ARHGEF3: variants seen among roughly 807,000 people sequenced by gnomAD.
The protein encoded by ARHGEF3 is 59.8 kDA protein.
Under a neutral mutation model 63.2 loss-of-function variants are expected in ARHGEF3, and 28 were observed. The observed-to-expected ratio is 0.44, with a 90% CI of 0.33 to 0.61. The LOEUF is 0.61. Among genes scored for constraint, ARHGEF3 ranks in the 20% least tolerant of loss-of-function variants. ARHGEF3 has a pLI of 0.03. For missense variants in ARHGEF3, 533 were observed against 659.3 expected (o/e 0.81, Z 2.10); for synonymous variants, 266 against 254.2 (o/e 1.05, Z -0.44).
chr3:57,012,167 T>C (rs1215257113), intron 2 of ARHGEF3, among the ~76,000 whole-genome samples: 1 of 152,306 alleles, frequency 6.6e-6, no homozygotes. Flanking sequence ...ATTACAACAA[T>C]GCAATCACAA....
chr3:56,752,359 A>C (rs1183164222), intron 4 of ARHGEF3, among the ~76,000 whole-genome samples: 1 of 152,244 alleles, frequency 6.6e-6, no homozygotes, highest in East Asian at 1.9e-4. Context: ...GACCCGGCTT[A>C]TGTTTAAAAA....
chr3:56,916,200 G>A, intron 3 of ARHGEF3: 1 of 1,378,832 alleles, frequency 7.3e-7, no homozygotes, highest in Non-Finnish European at 9.6e-7. Flanking sequence ...TTCTTGGAAG[G>A]TAAAGAGAAC....
At chr3:56,845,220 T>C (rs2039447936) in intron 4 of ARHGEF3, among the ~76,000 whole-genome samples, 1 of 152,242 alleles carries the variant, frequency 6.6e-6, no homozygotes, top group Non-Finnish European at 1.5e-5. Context: ...GCCAACGCCT[T>C]GATTGCAGCC....
Position 56,933,394 on chromosome 3 carries a change from CT to C in ARHGEF3, c.129+25428del, listed in dbSNP as rs869041385. 5.1e-3 allele frequency among the ~76,000 whole-genome samples: 680 copies of C among 132,758 alleles called. 2 individuals are homozygous for C. Among genetic ancestry groups the C allele is most frequent in the Non-Finnish European group, 6.2e-3 (376 of 60,248 alleles). The allele number at this position is 132,758 out of a possible 152,430, so 87.1% of individuals were successfully genotyped here. ...TATAAAATGGAAAAATGTTTCTTTT[CT>C]TTTTTTTTTTTTTTTACTTTTTTTT... On this transcript the variant is annotated intron_variant, in intron 3 of 12. Transcript: ENST00000338458.
At chr3:56,822,582 C>T (rs1236877544) in intron 4 of ARHGEF3, among the ~76,000 whole-genome samples, 4 of 152,002 alleles carry the variant, frequency 2.6e-5, no homozygotes, top group African/African-American at 4.8e-5. Context: ...CGGTTGTGGC[C>T]GGGTGCAGTG....
chr3:56,883,683 C>T (rs1331254706), intron 3 of ARHGEF3, among the ~76,000 whole-genome samples: 1 of 152,174 alleles, frequency 6.6e-6, no homozygotes, highest in African/African-American at 2.4e-5. Context: ...TTCTGCACCC[C>T]CAGCTCAACC....
At chr3:56,958,984 C>A in intron 2 of ARHGEF3, 2 of 1,323,458 alleles carry the variant, frequency 1.5e-6, no homozygotes, top group African/African-American at 1.5e-5. Flanking sequence ...AAGAGAGATG[C>A]CTCAAGAAAT....
chr3:57,042,513 T>C (rs767567976), intron 1 of ARHGEF3, among the ~76,000 whole-genome samples: 3 of 151,408 alleles, frequency 2.0e-5, no homozygotes, highest in Admixed American at 6.6e-5. Context: ...TGTTCAGTCA[T>C]GTCGGGGTTT....
At chr3:57,017,013 C>CTG (rs1703039304) in intron 2 of ARHGEF3, among the ~76,000 whole-genome samples, 1 of 97,886 alleles carries the variant, frequency 1.0e-5, no homozygotes, top group African/African-American at 3.5e-5. Context: ...CTGTCTCTCT[C>CTG]TCTCTCTCTC....
At chr3:57,015,108 CGTCTGCCA>C (rs1220168742) in intron 2 of ARHGEF3, among the ~76,000 whole-genome samples, 18 of 152,166 alleles carry the variant, frequency 1.2e-4, no homozygotes, top group Admixed American at 4.6e-4. Context: ...CAAATCCAGC[CGTCTGCCA>C]GTTTACATAA....
intron 4 of ARHGEF3, among the ~76,000 whole-genome samples, chr3:56,817,437 C>T (rs1037293853): frequency 1.3e-5 from 2 of 152,146 alleles, no homozygotes; most frequent in Non-Finnish European, 2.9e-5. Flanking sequence ...ACATGTGTGG[C>T]ACATCATCCA....
intron 4 of ARHGEF3, among the ~76,000 whole-genome samples, chr3:56,846,302 A>T (rs893443086): frequency 1.3e-4 from 20 of 152,210 alleles, no homozygotes; most frequent in African/African-American, 4.1e-4. Context: ...GAAATTAGAA[A>T]ATGGGGCAGG....
At chr3:57,011,300 G>A (rs942035380) in intron 2 of ARHGEF3, among the ~76,000 whole-genome samples, 2 of 152,162 alleles carry the variant, frequency 1.3e-5, no homozygotes, top group Admixed American at 1.3e-4. Flanking sequence ...CCTTTTTTCT[G>A]CCCTAGCGGT....
intron 7 of ARHGEF3, among the ~76,000 whole-genome samples, chr3:56,743,243 G>T (rs1429844479): frequency 1.3e-5 from 2 of 152,224 alleles, no homozygotes; most frequent in East Asian, 3.8e-4. Flanking sequence ...TCATGAATCA[G>T]AAGAGGGTCC....
chr3:57,043,783 A>G (rs946785247), intron 1 of ARHGEF3, among the ~76,000 whole-genome samples: 38 of 152,364 alleles, frequency 2.5e-4, no homozygotes, highest in African/African-American at 8.9e-4. Flanking sequence ...GGGGCAGTGC[A>G]GTGTGTCATC....
At chr3:56,909,694 A>G (rs913327974) in intron 3 of ARHGEF3, among the ~76,000 whole-genome samples, 4 of 152,192 alleles carry the variant, frequency 2.6e-5, no homozygotes, top group African/African-American at 9.7e-5. Context: ...GGGCCTTGGG[A>G]TAGGCGTTCT....
At chr3:57,067,268 G>A (rs1487131548) in intron 1 of ARHGEF3, among the ~76,000 whole-genome samples, 2 of 151,608 alleles carry the variant, frequency 1.3e-5, no homozygotes, top group South Asian at 2.1e-4. Context: ...TGGCTAACAC[G>A]GTGAAACCCT....
intron 4 of ARHGEF3, among the ~76,000 whole-genome samples, chr3:56,818,831 T>A (rs1048213970): frequency 6.6e-6 from 1 of 152,178 alleles, no homozygotes; most frequent in Non-Finnish European, 1.5e-5. Flanking sequence ...TGGCAAATAT[T>A]GTTTCATGGG....
chr3:56,794,308 T>G (rs1379922617), intron 1 of ARHGEF3, among the ~76,000 whole-genome samples: 1 of 151,976 alleles, frequency 6.6e-6, no homozygotes, highest in Non-Finnish European at 1.5e-5. Context: ...GCCAACATGG[T>G]GAAACCCTGT....
Sources: allele counts gnomAD v4.1 joint callset (sites outside exome capture counted in the v4.1 genomes callset), GRCh38; gene constraint gnomAD v4.1.1; transcripts MANE v1.5; gene names NCBI Gene and HGNC (gene_info 2026-07-23, HGNC 2026-07-21).